Variants in CHPF observed in about 807,000 individuals in gnomAD.
CHPF encodes chondroitin polymerizing factor.
A neutral mutation model predicts 55.1 loss-of-function variants in CHPF; 34 were observed. The observed-to-expected ratio is 0.62, with a 90% CI of 0.47 to 0.82. The LOEUF (loss-of-function observed/expected upper bound fraction) is 0.82. CHPF is among the 40% of genes least tolerant of loss of function. The probability of loss-of-function intolerance (pLI) is 0.00; values close to 1 mark genes in which losing one functional copy is unlikely to be tolerated. For synonymous variants in CHPF, 489 were observed against 496.6 expected (o/e 0.98, Z 0.20); for missense variants, 961 against 1,106.1 (o/e 0.87, Z 1.86).
rs1695249516 is a variant in CHPF at position 219,540,579 on chromosome 2, C to G, written c.1132G>C (p.Gly378Arg). The G allele has an allele frequency of 6.2e-7, 1 of 1,613,020 alleles. No individual in the cohort carries two copies. The highest frequency in any genetic ancestry group is 1.3e-5 in the African/African-American group (1 of 74,936). ...DGDQAAAWPV[G>R]IPAPSRPASR... The stretch of plus-strand genomic sequence containing the variant: ...GCCGGGCGGGATGGTGCTGGAATAC[C>G]CACGGGCCAAGCAGCTGCCTGGTCC... The change falls in exon 4 of 4, where the codon GGT becomes CGT. Residue 378 changes from glycine (G) to arginine (R), a missense_variant. By Grantham distance (125) the Gly-to-Arg change is moderately radical (BLOSUM62 -2). Coordinates refer to ENST00000243776, the MANE Select transcript of CHPF (RefSeq NM_024536.6).
rs1210627964 is a variant in CHPF at position 219,543,406 on chromosome 2, G to A, written c.133C>T (p.Pro45Ser). Residue 45 changes from proline (P) to serine (S), a missense_variant, in exon 1 of 4, where the codon CCT (proline) becomes TCT (serine). Pro to Ser is a moderately conservative substitution (Grantham distance 74). Coordinates refer to ENST00000243776, the MANE Select transcript of CHPF (RefSeq NM_024536.6). ...CGCGGCGGCAGCTCAGAGTCTCCAG[G>A]TTGGGGCGGGCCTGGGCCGCACGGC... ...EEPCGPGPPQPGDSELPPRGN... is the reference protein window; with the variant it reads ...EEPCGPGPPQSGDSELPPRGN... 7.7e-6 allele frequency: 12 copies of A among 1,550,754 alleles called. No individual in the cohort carries two copies. Among genetic ancestry groups the A allele is most frequent in the Admixed American group, 1.8e-5 (1 of 54,522 alleles).
In CHPF at chr2:219,540,251, A is replaced by C; in HGVS notation, c.1460T>G (p.Leu487Arg). The change falls in exon 4 of 4, where the codon CTG becomes CGG. Residue 487 changes from leucine to arginine, a missense_variant. Transcript: ENST00000243776. ...CTCCACGCGGCTCAGCGGCCGGAGC[A>C]GCTGCACTCGGCGAGTGAGGGGCCG... ...GRRPLTRRVQ[L>R]LRPLSRVEIL... is the part of the protein sequence containing the mutation. 1 of 1,613,766 alleles carries C rather than the reference A, an allele frequency of 6.2e-7. No individual in the cohort carries two copies. Among genetic ancestry groups the C allele is most frequent in the Non-Finnish European group, 8.5e-7 (1 of 1,179,842 alleles).
rs1385379743 is a variant in CHPF at position 219,541,686 on chromosome 2, G to C, written c.818C>G (p.Ala273Gly). The change falls in exon 2 of 4, where the codon GCG (alanine) becomes GGG (glycine). Residue 273 changes from alanine to glycine, a missense_variant. Coordinates refer to ENST00000243776, the MANE Select transcript of CHPF (RefSeq NM_024536.6). ...LEGCRNDIVS[A>G]RPDEWLGRCI... is the part of the protein sequence containing the mutation. Reference sequence around the variant, plus strand: ...GCGACCCAGCCACTCGTCAGGGCGCGCACTGACGATGTCGTTGCGGCAGCC... The same window carrying C: ...GCGACCCAGCCACTCGTCAGGGCGCCCACTGACGATGTCGTTGCGGCAGCC... 1 of 1,611,016 alleles carries C rather than the reference G, an allele frequency of 6.2e-7. No individual in the cohort carries two copies.
At position 219,540,209 on chromosome 2, in the gene CHPF, T is replaced by A; in HGVS notation, c.1502A>T (p.Tyr501Phe). 2 of 1,613,174 alleles carry A rather than the reference T, an allele frequency of 1.2e-6. No homozygotes were observed. The highest frequency in any genetic ancestry group is 1.7e-6 in the Non-Finnish European group (2 of 1,179,666). Residue 501 changes from tyrosine (Y) to phenylalanine (F), a missense_variant, in exon 4 of 4, where the codon TAT becomes TTT. Tyr to Phe is a conservative substitution (Grantham distance 22). Around this residue, in one of 3 missense-constraint regions of CHPF, gnomAD observed 936 missense variants for 1,058.4 expected, o/e 0.88. Coordinates refer to ENST00000243776, the MANE Select transcript of CHPF (RefSeq NM_024536.6). Reference protein sequence around the residue: ...LSRVEILPVPYVTEASRLTVL... With the variant: ...LSRVEILPVPFVTEASRLTVL... ...AGTGAGACGTGAGGCCTCAGTGACATAGGGCACAGGCAAGATCTCCACGCG... is the reference window on the plus strand; with the variant it reads ...AGTGAGACGTGAGGCCTCAGTGACAAAGGGCACAGGCAAGATCTCCACGCG...
rs760874449 is a variant in CHPF, at chr2:219,540,646, G to T, written c.1069-4C>A. On this transcript the variant is annotated splice_polypyrimidine_tract_variant and splice_region_variant and intron_variant, in intron 3 of 3. Transcript: ENST00000243776. ...GGCTGGTATTCTGGATCTCCCACTG[G>T]ATCAGAGAAACAGGCCATCAGCAAG... 3.2e-6 allele frequency: 5 copies of T among 1,586,212 alleles called. No homozygotes were observed. The highest frequency in any genetic ancestry group is 4.3e-6 in the Non-Finnish European group (5 of 1,166,972).
chr2:219,540,701 G>T, intron 3 of CHPF, 59 bp from the exon 4 acceptor site: 1 of 1,489,590 alleles, frequency 6.7e-7, no homozygotes, highest in South Asian at 1.3e-5. Context: ...GCACACAGCT[G>T]GGGGACTGGG....
intron 3 of CHPF, 34 bp downstream of exon 3, chr2:219,540,912 C>G (rs763494841): frequency 6.2e-7 from 1 of 1,601,592 alleles, no homozygotes; most frequent in African/African-American, 1.3e-5. Context: ...GATCCTGTCC[C>G]CGTCACTCTG....
chr2:219,539,531 A>C lies in CHPF; in HGVS notation c.2180T>G (p.Leu727Arg). The change falls in exon 4 of 4, where the codon CTG (leucine) becomes CGG (arginine). Residue 727 changes from leucine to arginine, a missense_variant. Leu to Arg is a moderately radical substitution (Grantham distance 102). Around this residue, in one of 3 missense-constraint regions of CHPF, gnomAD observed 936 missense variants for 1,058.4 expected, o/e 0.88. Coordinates refer to ENST00000243776, the MANE Select transcript of CHPF (RefSeq NM_024536.6). Reference protein sequence around the residue: ...LHVLRAVEPALLQRYRAQTCS... With the variant: ...LHVLRAVEPARLQRYRAQTCS... Reference sequence around the variant, plus strand: ...CGTCTGGGCCCGGTAGCGCTGCAGCAGCGCCGGCTCCACCGCCCGCAGCAC... The same window carrying C: ...CGTCTGGGCCCGGTAGCGCTGCAGCCGCGCCGGCTCCACCGCCCGCAGCAC... The C allele has an allele frequency of 6.2e-7, 1 of 1,613,792 alleles. No homozygotes were observed. Among genetic ancestry groups the C allele is most frequent in the Non-Finnish European group, 8.5e-7 (1 of 1,179,922 alleles).
rs961753393 is a variant in CHPF at position 219,543,449 on chromosome 2, G to T, written c.90C>A (p.Ser30Arg). ...ISLGFTLSLL[S>R]VTWVEEPCGP... ...CGCACGGCTCCTCCACCCAGGTGAC[G>T]CTGAGCAGGCTCAGGGTGAAGCCCA... The change falls in exon 1 of 4, where the codon AGC becomes AGA. Residue 30 changes from serine (S) to arginine (R), a missense_variant. Physicochemically the swap from Ser to Arg is moderately radical, Grantham distance 110. Coordinates refer to ENST00000243776, the MANE Select transcript of CHPF (RefSeq NM_024536.6). 2 of 1,499,260 alleles carry T rather than the reference G, an allele frequency of 1.3e-6. No individual in the cohort carries two copies. The highest frequency in any genetic ancestry group is 2.1e-5 in the Admixed American group (1 of 46,522). 92.9% of individuals were successfully genotyped at this position (1,499,260 alleles called of 1,614,324 possible).
chr2:219,540,915 T>C (rs1695257110), intron 3 of CHPF, 31 bp downstream of exon 3: 1 of 1,602,540 alleles, frequency 6.2e-7, no homozygotes, highest in African/African-American at 1.3e-5. Flanking sequence ...CCTGTCCCCG[T>C]CACTCTGCCA....
chr2:219,540,732 G>T, intron 3 of CHPF, 90 bp from the exon 4 acceptor site: 1 of 1,374,918 alleles, frequency 7.3e-7, no homozygotes, highest in Non-Finnish European at 9.8e-7. Context: ...GTGCCACTCA[G>T]GATGGGCCCC....
At position 219,543,223 on chromosome 2, in the gene CHPF, A is replaced by C; in HGVS notation, c.314+2T>G. The stretch of plus-strand genomic sequence containing the variant: ...GGTAGAGCGGGCGCAGCCGATCACT[A>C]CCTGACGGCCTTTTTGGCGGCCTGG... On this transcript the variant is annotated splice_donor_variant, in intron 1 of 3. Coordinates refer to ENST00000243776, the MANE Select transcript of CHPF (RefSeq NM_024536.6). LOFTEE classifies it high-confidence loss of function. 6.5e-7 allele frequency: 1 copy of C among 1,547,262 alleles called. No homozygotes were observed. The highest frequency in any genetic ancestry group is 1.2e-5 in the South Asian group (1 of 85,202).
chr2:219,540,560 C>A lies in CHPF; in HGVS notation c.1151G>T (p.Arg384Leu). 1 of 1,613,704 alleles carries A rather than the reference C, an allele frequency of 6.2e-7. No homozygotes were observed. The change falls in exon 4 of 4, where the codon CGC becomes CTC. Residue 384 changes from arginine to leucine, a missense_variant. Physicochemically the swap from Arg to Leu is moderately radical, Grantham distance 102. Around this residue, in one of 3 missense-constraint regions of CHPF, gnomAD observed 936 missense variants for 1,058.4 expected, o/e 0.88. Coordinates refer to ENST00000243776, the MANE Select transcript of CHPF (RefSeq NM_024536.6). Reference protein sequence around the residue: ...AWPVGIPAPSRPASRFEVLRW... With the variant: ...AWPVGIPAPSLPASRFEVLRW... ...CAGCACCTCAAAGCGGGAGGCCGGGCGGGATGGTGCTGGAATACCCACGGG... is the reference window on the plus strand; with the variant it reads ...CAGCACCTCAAAGCGGGAGGCCGGGAGGGATGGTGCTGGAATACCCACGGG...
chr2:219,543,290 A>G lies in CHPF; in HGVS notation c.249T>C (p.Asn83=), dbSNP rs758062799. The G allele has an allele frequency of 1.2e-5, 19 of 1,573,880 alleles. 1 individual carries two copies. Among genetic ancestry groups the G allele is most frequent in the Middle Eastern group, 1.9e-4 (1 of 5,150 alleles). Residue 83 remains asparagine (N), a synonymous_variant, in exon 1 of 4, where the codon AAT becomes AAC. Transcript: ENST00000243776. ...GGTAGGGCAAGACGCGCGGCTCCCA[A>G]TTCTCCCCGGCGCCTTCGCCGGCCC... ...KPGAGEGAGE[N]WEPRVLPYHP...
At chr2:219,542,924 G>A (rs1401865679) in intron 1 of CHPF, 2 of 1,223,496 alleles carry the variant, frequency 1.6e-6, no homozygotes, top group Admixed American at 4.4e-5. Context: ...CTATATATAA[G>A]TCATTTCTCT....
Position 219,540,638 on chromosome 2 carries a change from T to C in CHPF, c.1073A>G (p.Glu358Gly), listed in dbSNP as rs535515019. The change falls in exon 4 of 4, where the codon GAG becomes GGG. Residue 358 changes from glutamate to glycine, a missense_variant. Coordinates refer to ENST00000243776, the MANE Select transcript of CHPF (RefSeq NM_024536.6). Reference sequence around the variant, plus strand: ...GGCCAGATGGCTGGTATTCTGGATCTCCCACTGGATCAGAGAAACAGGCCA... The same window carrying C: ...GGCCAGATGGCTGGTATTCTGGATCCCCCACTGGATCAGAGAAACAGGCCA... The part of the protein sequence containing the change: ...TYQEIQELQW[E>G]IQNTSHLAVD... 116 of 1,591,146 alleles carry C rather than the reference T, an allele frequency of 7.3e-5. No individual in the cohort carries two copies. The highest frequency in any genetic ancestry group is 3.1e-4 in the Admixed American group (18 of 57,488).
Position 219,539,321 on chromosome 2 carries a change from G to C in CHPF, c.*62C>G. ...CCCAGCGAGGCTGGCAGGTGGCTCT[G>C]GTTTTGGGGGAGAAGTGGGGTGGGG... On this transcript the variant is annotated 3_prime_UTR_variant, in exon 4 of 4. Coordinates refer to ENST00000243776, the MANE Select transcript of CHPF (RefSeq NM_024536.6). 4.7e-6 allele frequency: 7 copies of C among 1,494,558 alleles called. No homozygotes were observed. Among genetic ancestry groups the C allele is most frequent in the Non-Finnish European group, 6.3e-6 (7 of 1,111,840 alleles). The allele number at this position is 1,494,558 out of a possible 1,614,324, so 92.6% of individuals were successfully genotyped here.
chr2:219,542,334 C>G (rs1308299721), intron 1 of CHPF, 145 bp from the exon 2 acceptor site: 14 of 659,746 alleles, frequency 2.1e-5, no homozygotes, highest in Non-Finnish European at 3.2e-5. Context: ...ACCCTCTCTC[C>G]CAGGGGTCAT....
chr2:219,542,880 C>T (rs924496249), intron 1 of CHPF: 2 of 1,092,364 alleles, frequency 1.8e-6, no homozygotes, highest in African/African-American at 3.3e-5. Flanking sequence ...TCCTAGTTCT[C>T]TCCTTTCTCT....
Sources: allele counts gnomAD v4.1 joint callset, GRCh38; gene constraint gnomAD v4.1.1; regional missense constraint gnomAD v4.1.1; transcripts MANE v1.5; gene names NCBI Gene and HGNC (gene_info 2026-07-23, HGNC 2026-07-21).